The following PLCG1 variants were observed in gnomAD, a reference collection of about 807,000 sequenced individuals.
The protein encoded by PLCG1 is phospholipase C gamma 1.
A neutral mutation model predicts 177.8 loss-of-function variants in PLCG1; 71 were observed. That is an observed-to-expected ratio of 0.40 (90% CI 0.33 to 0.49). PLCG1 has a LOEUF of 0.49. PLCG1 is among the 20% of genes least tolerant of loss of function. The pLI is 0.72. For missense variants in PLCG1, 1,281 were observed against 1,709.0 expected, an observed-to-expected ratio of 0.75 and a Z score of 4.42; for synonymous variants, 658 against 647.9, an observed-to-expected ratio of 1.02 and a Z score of -0.24.
intron 24 of PLCG1, chr20:41,170,610 G>A (rs765058030): frequency 3.9e-5 from 9 of 228,566 alleles, no homozygotes; most frequent in African/African-American, 6.8e-5. Flanking sequence ...AGGTGGTGTC[G>A]CATAGGAAGA....
In PLCG1 at chr20:41,148,012, C is replaced by T. The variant is rs1044062987; in HGVS notation, c.217+10154C>T. Among the ~76,000 whole-genome samples, 7 of 152,068 alleles carry T rather than the reference C, an allele frequency of 4.6e-5. No individual in the cohort carries two copies. The East Asian group carries it at 7.7e-4, about 17-fold the overall frequency. On this transcript the variant is annotated intron_variant, in intron 1 of 31. Coordinates refer to ENST00000685551, the MANE Select transcript of PLCG1 (RefSeq NM_002660.3). The surrounding 1 kb of genome is among the most constrained non-coding windows in gnomAD (Gnocchi z 4.3). ...AGTGGCTTGGCTTGGGCTGGCATGG[C>T]GCAAAGGGAGTGCAGCCAGATGCTG...
At chr20:41,140,694 G>A (rs2034795177) in intron 1 of PLCG1, among the ~76,000 whole-genome samples, 7 of 152,338 alleles carry the variant, frequency 4.6e-5, no homozygotes, top group Admixed American at 4.6e-4. Context: ...GTGCTTAGGT[G>A]TTGACAAGTT....
chr20:41,141,968 G>A (rs531971996), intron 1 of PLCG1, among the ~76,000 whole-genome samples: 1 of 152,330 alleles, frequency 6.6e-6, no homozygotes, highest in East Asian at 1.9e-4. Flanking sequence ...CTTGGAATGA[G>A]GCACATTTAT....
At chr20:41,139,319 G>T (rs1027551327) in intron 1 of PLCG1, among the ~76,000 whole-genome samples, 1 of 152,192 alleles carries the variant, frequency 6.6e-6, no homozygotes, top group African/African-American at 2.4e-5. Context: ...AAAGAGCTGA[G>T]ATAACCCTGG....
rs1223849376 is a variant in PLCG1, at chr20:41,159,332, T to G, written c.218-274T>G. ...TCTAGCTCTTTTGCAGGTCAAAATG[T>G]CTCAGTGAGGGAACAAAGATAGGGA... On this transcript the variant is annotated intron_variant, in intron 1 of 31. Coordinates refer to ENST00000685551, the MANE Select transcript of PLCG1 (RefSeq NM_002660.3). The surrounding 1 kb of genome is among the most constrained non-coding windows in gnomAD (Gnocchi z 6.0). Among the ~76,000 whole-genome samples, 1 of 152,142 alleles carries G rather than the reference T, an allele frequency of 6.6e-6. No homozygotes were observed. The highest frequency in any genetic ancestry group is 1.9e-4 in the East Asian group (1 of 5,186).
chr20:41,163,114 CTG>C lies in PLCG1; in HGVS notation c.717-86_717-85del. 1.3e-6 allele frequency: 2 copies of C among 1,486,816 alleles called. No homozygotes were observed. Among genetic ancestry groups the C allele is most frequent in the Non-Finnish European group, 1.9e-6 (2 of 1,072,022 alleles). 92.1% of individuals were successfully genotyped at this position (1,486,816 alleles called of 1,614,324 possible). The stretch of plus-strand genomic sequence containing the variant: ...AACCATGCTGGACCATTCTGGGAAG[CTG>C]TGCTGGCTGGGAGTTGGGTTCTGCC... On this transcript the variant is annotated intron_variant, in intron 7 of 31. Coordinates refer to ENST00000685551, the MANE Select transcript of PLCG1 (RefSeq NM_002660.3). The surrounding 1 kb of genome is among the most constrained non-coding windows in gnomAD (Gnocchi z 5.2).
chr20:41,163,983 G>A lies in PLCG1; in HGVS notation c.1073G>A (p.Arg358Gln), dbSNP rs375791769. ...SSLEAYARCL[R>Q]MGCRCIELDC... ...TTGGAAGCCTATGCTCGCTGCCTGC[G>A]GATGGGCTGTCGCTGCATTGAGTGT... Residue 358 changes from arginine to glutamine, a missense_variant, in exon 11 of 32, where the codon CGG (arginine) becomes CAG (glutamine). Arg to Gln is a conservative substitution (Grantham distance 43). Coordinates refer to ENST00000685551, the MANE Select transcript of PLCG1 (RefSeq NM_002660.3). This position sits in a 1 kb window ranked among gnomAD's most constrained non-coding sequence, Gnocchi z 5.2. The A allele has an allele frequency of 5.9e-5, 96 of 1,614,052 alleles. No homozygotes were observed. Among genetic ancestry groups the A allele is most frequent in the Non-Finnish European group, 7.6e-5 (90 of 1,180,044 alleles).
chr20:41,176,764 A>G lies in PLCG1; in HGVS notation c.*2255A>G, dbSNP rs1005140940. The G allele has an allele frequency of 6.6e-6, 1 of 152,238 alleles. No individual in the cohort carries two copies. The highest frequency in any genetic ancestry group is 1.5e-5 in the Non-Finnish European group (1 of 68,046). The allele number at this position is 152,238 out of a possible 1,614,324, so 9.4% of individuals were successfully genotyped here. A position where few individuals can be genotyped will look rare whatever the true frequency, so the allele number is the denominator to read the frequency against. On this transcript the variant is annotated 3_prime_UTR_variant, in exon 32 of 32. Transcript: ENST00000685551. ...AAATTTAAAGATCATTTTCACTTCA[A>G]GATTCCTCCAGACCTGACAAATGTT...
Position 41,147,722 on chromosome 20 carries a change from G to A in PLCG1, c.217+9864G>A, listed in dbSNP as rs35100347. Among the ~76,000 whole-genome samples the A allele has an allele frequency of 0.01, 1,549 of 152,210 alleles. 12 individuals carry two copies. Among genetic ancestry groups the A allele is most frequent in the Middle Eastern group, 0.017 (5 of 294 alleles). The stretch of plus-strand genomic sequence containing the variant: ...AAATTAACCAGGCGTGGTGTCAGGC[G>A]CCTGTAACCCAGCTACTCAGGAAGC... On this transcript the variant is annotated intron_variant, in intron 1 of 31. Transcript: ENST00000685551. The surrounding 1 kb of genome is among the most constrained non-coding windows in gnomAD (Gnocchi z 4.0).
Position 41,174,172 on chromosome 20 carries a change from CG to C in PLCG1, c.3698del (p.Gly1233AlafsTer104). On this transcript the variant is annotated frameshift_variant, in exon 31 of 32. Coordinates refer to ENST00000685551, the MANE Select transcript of PLCG1 (RefSeq NM_002660.3). LOFTEE classifies it high-confidence loss of function. This position sits in a 1 kb window ranked among gnomAD's most constrained non-coding sequence, Gnocchi z 5.8. ...SPFSGTSLRE[R>X]GSDASGQLFH... Reference sequence around the variant, plus strand: ...CTTCAGTGGTACGTCCCTGCGGGAGCGGGGCTCAGATGCCTCAGGCCAGCTG... The same window carrying C: ...CTTCAGTGGTACGTCCCTGCGGGAGCGGGCTCAGATGCCTCAGGCCAGCTG... The C allele has an allele frequency of 6.2e-7, 1 of 1,614,118 alleles. No homozygotes were observed. The highest frequency in any genetic ancestry group is 8.5e-7 in the Non-Finnish European group (1 of 1,180,000).
rs999667136 is a variant in PLCG1, at chr20:41,164,024, C to T, written c.1096+18C>T. On this transcript the variant is annotated intron_variant, in intron 11 of 31. Coordinates refer to ENST00000685551, the MANE Select transcript of PLCG1 (RefSeq NM_002660.3). The surrounding 1 kb of genome is among the most constrained non-coding windows in gnomAD (Gnocchi z 6.4). Reference sequence around the variant, plus strand: ...CATTGAGTGTGCGTGGGGTCCAGGGCTGGGGGAGGGAAGATGGGAGGCCTG... The same window carrying T: ...CATTGAGTGTGCGTGGGGTCCAGGGTTGGGGGAGGGAAGATGGGAGGCCTG... The T allele has an allele frequency of 1.2e-6, 2 of 1,614,018 alleles. No individual in the cohort carries two copies. The highest frequency in any genetic ancestry group is 3.3e-5 in the Admixed American group (2 of 60,012).
Position 41,164,314 on chromosome 20 carries a change from T to C in PLCG1, c.1217+113T>C. 1 of 1,089,732 alleles carries C rather than the reference T, an allele frequency of 9.2e-7. No homozygotes were observed. Among genetic ancestry groups the C allele is most frequent in the Non-Finnish European group, 1.4e-6 (1 of 738,672 alleles). 67.5% of individuals were successfully genotyped at this position (1,089,732 alleles called of 1,614,324 possible). Reference sequence around the variant, plus strand: ...GCCCTGTCCCCTCTCCCTCAGCCTTTCATCTTTGTCCTTCCTCTTGGCCTC... The same window carrying C: ...GCCCTGTCCCCTCTCCCTCAGCCTTCCATCTTTGTCCTTCCTCTTGGCCTC... On this transcript the variant is annotated intron_variant, in intron 12 of 31. Transcript: ENST00000685551. This position sits in a 1 kb window ranked among gnomAD's most constrained non-coding sequence, Gnocchi z 6.4.
At position 41,146,466 on chromosome 20, in the gene PLCG1, C is replaced by T. The variant is rs1316372434; in HGVS notation, c.217+8608C>T. Reference sequence around the variant, plus strand: ...GCATCTGTACAAAGGCTGTGAGGGGCCTGGGCGCAAGGCAGCAAGGCTTGG... The same window carrying T: ...GCATCTGTACAAAGGCTGTGAGGGGTCTGGGCGCAAGGCAGCAAGGCTTGG... On this transcript the variant is annotated intron_variant, in intron 1 of 31. Transcript: ENST00000685551. The surrounding 1 kb of genome is among the most constrained non-coding windows in gnomAD (Gnocchi z 6.3). Among the ~76,000 whole-genome samples, 3 of 152,194 alleles carry T rather than the reference C, an allele frequency of 2.0e-5. No individual in the cohort carries two copies. The highest frequency in any genetic ancestry group is 4.4e-5 in the Non-Finnish European group (3 of 68,044).
At position 41,173,105 on chromosome 20, in the gene PLCG1, TGAG is replaced by T. The variant is rs937940258; in HGVS notation, c.3279+229_3279+231del. Among the ~76,000 whole-genome samples the T allele has an allele frequency of 3.9e-5, 6 of 152,206 alleles. No homozygotes were observed. Among genetic ancestry groups the T allele is most frequent in the Non-Finnish European group, 5.9e-5 (4 of 68,032 alleles). On this transcript the variant is annotated intron_variant, in intron 27 of 31. Transcript: ENST00000685551. The surrounding 1 kb of genome is among the most constrained non-coding windows in gnomAD (Gnocchi z 6.2). ...GTTCTGATGACTTGTTTTGTTCTGA[TGAG>T]ATCTTTTTTTTCCCTAAGGGGAGGT...
chr20:41,171,056 G>C (rs1305987080), intron 24 of PLCG1: 1 of 152,362 alleles, frequency 6.6e-6, no homozygotes, highest in Admixed American at 6.5e-5. Flanking sequence ...CTTCCCCTGA[G>C]CCTGGGGGAA....
Position 41,156,588 on chromosome 20 carries a change from C to G in PLCG1, c.218-3018C>G, listed in dbSNP as rs2035329002. Among the ~76,000 whole-genome samples the G allele has an allele frequency of 6.6e-6, 1 of 152,222 alleles. No homozygotes were observed. The highest frequency in any genetic ancestry group is 2.1e-4 in the South Asian group (1 of 4,832). ...ATCTTCTTCATAGTGACGGCCTCTT[C>G]GTACCCCTGGCTTTTCTTTTCCCCA... On this transcript the variant is annotated intron_variant, in intron 1 of 31. Transcript: ENST00000685551. The surrounding 1 kb of genome is among the most constrained non-coding windows in gnomAD (Gnocchi z 5.0).
At chr20:41,162,768 T>C (rs752484952) in intron 6 of PLCG1, 43 bp downstream of exon 6, 3 of 1,513,584 alleles carry the variant, frequency 2.0e-6, no homozygotes, top group Non-Finnish European at 1.8e-6. Context: ...GCCCCTGCTC[T>C]TCCACCCCAC....
At position 41,159,221 on chromosome 20, in the gene PLCG1, G is replaced by T. The variant is rs1226860351; in HGVS notation, c.218-385G>T. 2.0e-5 allele frequency among the ~76,000 whole-genome samples: 3 copies of T among 152,156 alleles called. No individual in the cohort carries two copies. Among genetic ancestry groups the T allele is most frequent in the Non-Finnish European group, 4.4e-5 (3 of 68,028 alleles). On this transcript the variant is annotated intron_variant, in intron 1 of 31. Coordinates refer to ENST00000685551, the MANE Select transcript of PLCG1 (RefSeq NM_002660.3). This position sits in a 1 kb window ranked among gnomAD's most constrained non-coding sequence, Gnocchi z 6.0. ...TCTTGACCTACCCAGCCCTGCCTCT[G>T]GGACTTTATGATTTGATTTGTGTGT... is the stretch of plus-strand genomic sequence containing the variant.
intron 22 of PLCG1, 39 bp downstream of exon 22, chr20:41,169,214 C>T: frequency 7.2e-7 from 1 of 1,395,846 alleles, no homozygotes; most frequent in Non-Finnish European, 1.0e-6. Context: ...ATTCCCTATT[C>T]CCAGATTCTC....
Sources: allele counts gnomAD v4.1 joint callset (sites outside exome capture counted in the v4.1 genomes callset), GRCh38; gene constraint gnomAD v4.1.1; non-coding constraint Gnocchi (gnomAD v3.1); transcripts MANE v1.5; gene names NCBI Gene and HGNC (gene_info 2026-07-23, HGNC 2026-07-21).